KDM7A: variants seen among roughly 807,000 people sequenced by gnomAD.
KDM7A encodes lysine demethylase 7A.
Under a neutral mutation model 114.8 loss-of-function variants are expected in KDM7A, and 28 were observed. The observed-to-expected ratio is 0.24, with a 90% CI of 0.18 to 0.33. The LOEUF (loss-of-function observed/expected upper bound fraction) is 0.33, where lower values mean the gene tolerates loss of function less well. Among genes scored for constraint, KDM7A ranks in the 10% least tolerant of loss-of-function variants. The pLI is 1.00. For synonymous variants in KDM7A, 423 were observed against 397.8 expected (o/e 1.06, Z -0.75); for missense variants, 942 against 1,142.5 (o/e 0.82, Z 2.53).
rs1001179817 is a variant in KDM7A, at chr7:140,089,895, T to G, written c.*1199A>C. The stretch of plus-strand genomic sequence containing the variant: ...AAGTAAATACACACAAAAGATCTAT[T>G]CCAACATGCTTGCTTCTATACAACT... On this transcript the variant is annotated 3_prime_UTR_variant, in exon 20 of 20. Transcript: ENST00000397560. 4.6e-5 allele frequency: 7 copies of G among 152,254 alleles called. No individual in the cohort carries two copies. Among genetic ancestry groups the G allele is most frequent in the African/African-American group, 1.4e-4 (6 of 41,470 alleles). 9.4% of individuals were successfully genotyped at this position (152,254 alleles called of 1,614,324 possible).
At chr7:140,160,453 T>C (rs1794505985) in intron 1 of KDM7A, among the ~76,000 whole-genome samples, 1 of 152,184 alleles carries the variant, frequency 6.6e-6, no homozygotes, top group South Asian at 2.1e-4. Flanking sequence ...GGGTAAGGGG[T>C]AGGGCTGCAA....
In KDM7A at chr7:140,096,650, CTGCAGTCTG is replaced by C. The variant is rs776553543; in HGVS notation, c.2270_2278del (p.Thr757_Cys759del). 9 of 1,614,022 alleles carry C rather than the reference CTGCAGTCTG, an allele frequency of 5.6e-6. No homozygotes were observed. Among genetic ancestry groups the C allele is most frequent in the Non-Finnish European group, 6.8e-6 (8 of 1,179,974 alleles). On this transcript the variant is annotated inframe_deletion, in exon 17 of 20. Transcript: ENST00000397560. Reference sequence around the variant, plus strand: ...ATCCTGGAGAGAGTTTCTTTCACCACTGCAGTCTGTGCTTTGTATTTGCCTTTGTAAACA... The same window carrying C: ...ATCCTGGAGAGAGTTTCTTTCACCACTGCTTTGTATTTGCCTTTGTAAACA...
intron 1 of KDM7A, among the ~76,000 whole-genome samples, chr7:140,146,658 G>C (rs1794342837): frequency 6.6e-6 from 1 of 152,202 alleles, no homozygotes; most frequent in South Asian, 2.1e-4. Flanking sequence ...GCACAAGGGA[G>C]GTGTTTTCCT....
intron 5 of KDM7A, 93 bp from the exon 6 acceptor site, chr7:140,126,916 T>C: frequency 1.1e-6 from 1 of 887,162 alleles, no homozygotes; most frequent in Non-Finnish European, 1.7e-6. Flanking sequence ...ACCAAATAAT[T>C]AAATGGAACT....
chr7:140,099,119 A>G (rs897847659), intron 13 of KDM7A, 86 bp from the exon 14 acceptor site: 2 of 1,016,600 alleles, frequency 2.0e-6, no homozygotes, highest in African/African-American at 1.6e-5. Flanking sequence ...TAATTTACAA[A>G]GAGTAGAGAA....
intron 1 of KDM7A, among the ~76,000 whole-genome samples, chr7:140,153,938 G>T (rs1039389943): frequency 1.3e-5 from 2 of 152,170 alleles, no homozygotes; most frequent in Admixed American, 6.5e-5. Flanking sequence ...TGAGAGGCAA[G>T]GAGGCAGCAA....
At chr7:140,109,110 C>T (rs966066319) in intron 11 of KDM7A, among the ~76,000 whole-genome samples, 1 of 152,270 alleles carries the variant, frequency 6.6e-6, no homozygotes, top group African/African-American at 2.4e-5. Context: ...TTTGCTAAGA[C>T]CATTGGAAAA....
chr7:140,092,499 A>G (rs1818038328), intron 18 of KDM7A, among the ~76,000 whole-genome samples: 1 of 151,942 alleles, frequency 6.6e-6, no homozygotes, highest in South Asian at 2.1e-4. Context: ...TCTCCACTGT[A>G]TTTTTTTGCT....
At chr7:140,141,810 C>G (rs905379171) in intron 1 of KDM7A, among the ~76,000 whole-genome samples, 11 of 151,450 alleles carry the variant, frequency 7.3e-5, no homozygotes, top group Admixed American at 3.3e-4. Context: ...AGGAGAATCG[C>G]TTGAACCCAG....
In KDM7A at chr7:140,168,520, A is replaced by C. The variant is rs1351793636; in HGVS notation, c.194+8224T>G. Reference sequence around the variant, plus strand: ...GAGGTCGAGGCTGCAGTGAGCCAAGATCGCACCACTGCACTCCAGCCTGGG... The same window carrying C: ...GAGGTCGAGGCTGCAGTGAGCCAAGCTCGCACCACTGCACTCCAGCCTGGG... On this transcript the variant is annotated intron_variant, in intron 1 of 19. Coordinates refer to ENST00000397560, the MANE Select transcript of KDM7A (RefSeq NM_030647.2). Among the ~76,000 whole-genome samples, 3 of 151,966 alleles carry C rather than the reference A, an allele frequency of 2.0e-5. No individual in the cohort carries two copies. The East Asian group carries it at 5.8e-4, about 29-fold the overall frequency.
In KDM7A at chr7:140,176,688, G is replaced by A. The variant is rs1263648613; in HGVS notation, c.194+56C>T. ...GGAGGCGCGGGCGGCCGGCGGCGGC[G>A]GCGGTTGGTCGGTGGCCGGCGGTGG... On this transcript the variant is annotated intron_variant, in intron 1 of 19. Transcript: ENST00000397560. The surrounding 1 kb of genome is among the most constrained non-coding windows in gnomAD (Gnocchi z 4.4). 3 of 1,106,456 alleles carry A rather than the reference G, an allele frequency of 2.7e-6. No individual in the cohort carries two copies. The highest frequency in any genetic ancestry group is 3.4e-5 in the African/African-American group (2 of 59,434). The allele number at this position is 1,106,456 out of a possible 1,614,324, so 68.5% of individuals were successfully genotyped here. A position where few individuals can be genotyped will look rare whatever the true frequency, so the allele number is the denominator to read the frequency against.
chr7:140,155,519 G>C lies in KDM7A; in HGVS notation c.195-16329C>G, dbSNP rs199810111. ...CATTCCTGGCTAGGGTCATCCTTTT[G>C]TCACCAGTGTATCAGAATACGGAGT... On this transcript the variant is annotated intron_variant, in intron 1 of 19. Transcript: ENST00000397560. Among the ~76,000 whole-genome samples, 27 of 152,258 alleles carry C rather than the reference G, an allele frequency of 1.8e-4. No homozygotes were observed. The East Asian group carries it at 5.2e-3, about 29-fold the overall frequency.
intron 2 of KDM7A, among the ~76,000 whole-genome samples, chr7:140,135,425 T>A (rs149018519): frequency 0.014 from 2,058 of 152,122 alleles, 48 homozygotes; most frequent in African/African-American, 0.046. Context: ...ATGGTCTCGA[T>A]CTCCTGACCT....
At chr7:140,121,680 T>C (rs1452290989) in intron 7 of KDM7A, among the ~76,000 whole-genome samples, 2 of 152,216 alleles carry the variant, frequency 1.3e-5, no homozygotes, top group South Asian at 2.1e-4. Flanking sequence ...GACAGTTCCA[T>C]ACAAAATGAA....
At chr7:140,144,938 C>G (rs1427734488) in intron 1 of KDM7A, among the ~76,000 whole-genome samples, 28 of 152,156 alleles carry the variant, frequency 1.8e-4, no homozygotes, top group Admixed American at 1.8e-3. Flanking sequence ...ACCTACTCCC[C>G]CTTCGCCTTC....
At chr7:140,097,714 T>C in intron 14 of KDM7A, 72 bp from the exon 15 acceptor site, 1 of 830,260 alleles carries the variant, frequency 1.2e-6, no homozygotes, top group Non-Finnish European at 2.0e-6. Flanking sequence ...CAAGATGGTA[T>C]CTAAAGTCCA....
intron 1 of KDM7A, among the ~76,000 whole-genome samples, chr7:140,171,908 C>G (rs1246686218): frequency 6.6e-6 from 1 of 151,932 alleles, no homozygotes; most frequent in Non-Finnish European, 1.5e-5. Context: ...TATAATATAT[C>G]CAATCTACTG....
chr7:140,166,174 C>T (rs1794572452), intron 1 of KDM7A, among the ~76,000 whole-genome samples: 1 of 152,016 alleles, frequency 6.6e-6, no homozygotes, highest in South Asian at 2.1e-4. Flanking sequence ...ACACATATCT[C>T]CCTCAGATAA....
chr7:140,134,710 G>A (rs1248362583), intron 2 of KDM7A, among the ~76,000 whole-genome samples: 1 of 152,114 alleles, frequency 6.6e-6, no homozygotes, highest in African/African-American at 2.4e-5. Flanking sequence ...ATGTGTTAGA[G>A]CATGTAATGA....
Sources: allele counts gnomAD v4.1 joint callset (sites outside exome capture counted in the v4.1 genomes callset), GRCh38; gene constraint gnomAD v4.1.1; non-coding constraint Gnocchi (gnomAD v3.1); transcripts MANE v1.5; gene names NCBI Gene and HGNC (gene_info 2026-07-23, HGNC 2026-07-21).